Variants in TNN observed in about 807,000 individuals in gnomAD.
The protein encoded by TNN is tenascin-N.
A neutral mutation model predicts 134.4 loss-of-function variants in TNN; 122 were observed. The ratio of observed to expected loss-of-function variants is 0.91; its 90% confidence interval spans 0.78 to 1.06. The LOEUF is 1.06. Among genes scored for constraint, TNN ranks in the 50% least tolerant of loss-of-function variants. The probability of loss-of-function intolerance (pLI) is 0.00; values close to 1 mark genes in which losing one functional copy is unlikely to be tolerated. For synonymous variants in TNN, 710 were observed against 670.3 expected (o/e 1.06, Z -0.91); for missense variants, 1,739 against 1,699.4 (o/e 1.02, Z -0.41).
chr1:175,074,117 C>T (rs1673982224), intron 1 of TNN, among the ~76,000 whole-genome samples: 1 of 152,132 alleles, frequency 6.6e-6, no homozygotes, highest in African/African-American at 2.4e-5. Context: ...AGTCTCTTTG[C>T]CTGCCACCCC....
At position 175,110,899 on chromosome 1, in the gene TNN, G is replaced by A. The variant is rs564875497; in HGVS notation, c.2120-6040G>A. On this transcript the variant is annotated intron_variant, in intron 9 of 18. Transcript: ENST00000239462. ...TTTAGAATTTTTTTTTCTAGGCTGG[G>A]TGCAGTGGCTCATGCCTGTAATCCC... Among the ~76,000 whole-genome samples the A allele has an allele frequency of 5.1e-4, 78 of 152,280 alleles. 1 individual carries two copies. In the South Asian group the frequency reaches 0.016, roughly 31 times the overall value.
chr1:175,114,599 C>T (rs1040910861), intron 9 of TNN, among the ~76,000 whole-genome samples: 1 of 152,120 alleles, frequency 6.6e-6, no homozygotes, highest in African/African-American at 2.4e-5. Context: ...GCACTTGAGT[C>T]TTGGGATGCA....
intron 10 of TNN, 136 bp from the exon 11 acceptor site, chr1:175,118,425 C>A: frequency 1.8e-6 from 2 of 1,097,964 alleles, no homozygotes; most frequent in Non-Finnish European, 2.6e-6. Flanking sequence ...CATGAAACAG[C>A]TAAAAATGAA....
chr1:175,087,602 AC>A (rs1175325372), intron 6 of TNN, among the ~76,000 whole-genome samples: 16 of 152,214 alleles, frequency 1.1e-4, no homozygotes, highest in Admixed American at 1.3e-4. Flanking sequence ...TACACAGTCA[AC>A]ACAACACAGA....
intron 1 of TNN, among the ~76,000 whole-genome samples, chr1:175,074,887 G>T (rs184671587): frequency 6.6e-6 from 1 of 152,364 alleles, no homozygotes; most frequent in East Asian, 1.9e-4. Flanking sequence ...GCATAGGCTT[G>T]CAATCAGATG....
rs80294950 is a variant in TNN, at chr1:175,120,288, C to T, written c.2650+1464C>T. On this transcript the variant is annotated intron_variant, in intron 11 of 18. Transcript: ENST00000239462. ...ATAAATAAGAAAACACATTTAAAAC[C>T]GTAAATTATGCTAAATTCTGTGAAG... Among the ~76,000 whole-genome samples, 1,122 of 152,164 alleles carry T rather than the reference C, an allele frequency of 7.4e-3. 4 individuals are homozygous for T. The highest frequency in any genetic ancestry group is 9.3e-3 in the Non-Finnish European group (635 of 68,020).
At chr1:175,095,126 T>C (rs1163632363) in intron 7 of TNN, among the ~76,000 whole-genome samples, 1 of 152,224 alleles carries the variant, frequency 6.6e-6, no homozygotes, top group Non-Finnish European at 1.5e-5. Context: ...TTTTAGAATG[T>C]TAATCAGTAT....
Position 175,080,117 on chromosome 1 carries a change from G to T in TNN, c.785-46G>T. 4 of 1,602,350 alleles carry T rather than the reference G, an allele frequency of 2.5e-6. 1 individual carries two copies. The South Asian group carries it at 4.4e-5, about 18-fold the overall frequency. On this transcript the variant is annotated intron_variant, in intron 3 of 18. Transcript: ENST00000239462. The stretch of plus-strand genomic sequence containing the variant: ...AGGGAATACTCACTGGGTCTGGATC[G>T]CCTCCCTTGCTCACCCTCTCTGCCC...
rs1411592325 is a variant in TNN, at chr1:175,136,916, T to C, written c.3523T>C (p.Tyr1175His). Residue 1175 changes from tyrosine to histidine, a missense_variant, in exon 17 of 19, where the codon TAT (tyrosine) becomes CAT (histidine). By Grantham distance (83) the Tyr-to-His change is moderately conservative. Coordinates refer to ENST00000239462, the MANE Select transcript of TNN (RefSeq NM_022093.2). ...QTANESAYAI[Y>H]DFFQVASSKE... Reference sequence around the variant, plus strand: ...TGCCAATGAATCTGCCTATGCTATATATGATTTCTTCCAAGTGGCCTCCAG... The same window carrying C: ...TGCCAATGAATCTGCCTATGCTATACATGATTTCTTCCAAGTGGCCTCCAG... The C allele has an allele frequency of 6.2e-7, 1 of 1,614,200 alleles. No individual in the cohort carries two copies. Among genetic ancestry groups the C allele is most frequent in the South Asian group, 1.1e-5 (1 of 91,080 alleles).
rs983438166 is a variant in TNN, at chr1:175,083,778, G to A, written c.1077G>A (p.Val359=). The A allele has an allele frequency of 1.2e-6, 2 of 1,614,050 alleles. No homozygotes were observed. Among genetic ancestry groups the A allele is most frequent in the Non-Finnish European group, 1.7e-6 (2 of 1,180,032 alleles). The stretch of plus-strand genomic sequence containing the variant: ...TTGCTGTGCTTGGCACTGCCTGGGT[G>A]ACAGATGAGACTGAGAACTCCCTTG... ...TDLAVLGTAW[V]TDETENSLDV... is the part of the protein sequence containing the mutation. Residue 359 remains valine, a synonymous_variant, in exon 5 of 19, where the codon GTG becomes GTA. Coordinates refer to ENST00000239462, the MANE Select transcript of TNN (RefSeq NM_022093.2).
intron 11 of TNN, among the ~76,000 whole-genome samples, chr1:175,121,391 T>C (rs1379375508): frequency 6.6e-6 from 1 of 152,030 alleles, no homozygotes; most frequent in Non-Finnish European, 1.5e-5. Flanking sequence ...GCATAGAGGG[T>C]GGAAGAGCAA....
chr1:175,137,224 A>G (rs1485789485), intron 17 of TNN, among the ~76,000 whole-genome samples: 3 of 152,108 alleles, frequency 2.0e-5, no homozygotes, highest in Non-Finnish European at 4.4e-5. Flanking sequence ...CCCCACCCCA[A>G]TAAAAACCCT....
intron 8 of TNN, among the ~76,000 whole-genome samples, chr1:175,097,946 C>A (rs1264372629): frequency 6.6e-6 from 1 of 152,152 alleles, no homozygotes. Flanking sequence ...GGTACAGGAT[C>A]TGGTCATTGC....
intron 9 of TNN, among the ~76,000 whole-genome samples, chr1:175,114,938 G>C (rs1675123802): frequency 6.6e-6 from 1 of 152,052 alleles, no homozygotes; most frequent in Admixed American, 6.5e-5. Flanking sequence ...GCAGCAGCAA[G>C]CATCCCAAAA....
chr1:175,082,245 C>T (rs914693028), intron 4 of TNN, among the ~76,000 whole-genome samples: 7 of 152,196 alleles, frequency 4.6e-5, no homozygotes, highest in African/African-American at 1.7e-4. Context: ...TCTGAAAGTC[C>T]TAGCAACCCC....
chr1:175,117,603 A>G (rs1675219363), intron 10 of TNN, among the ~76,000 whole-genome samples: 1 of 152,210 alleles, frequency 6.6e-6, no homozygotes. Context: ...TAGCAAGGAG[A>G]TGTATATCAT....
In TNN at chr1:175,079,855, G is replaced by A. The variant is rs563058578; in HGVS notation, c.784+148G>A. ...CCAACCCCAGAGTTTCTGATTCTGCGATGGGGCCTAAGAATTTGCATTTCT... is the reference window on the plus strand; with the variant it reads ...CCAACCCCAGAGTTTCTGATTCTGCAATGGGGCCTAAGAATTTGCATTTCT... On this transcript the variant is annotated intron_variant, in intron 3 of 18. Transcript: ENST00000239462. 3.9e-5 allele frequency: 47 copies of A among 1,192,322 alleles called. No homozygotes were observed. In the African/African-American group the frequency reaches 5.5e-4, roughly 14 times the overall value. The allele number at this position is 1,192,322 out of a possible 1,614,324, so 73.9% of individuals were successfully genotyped here. A position where few individuals can be genotyped will look rare whatever the true frequency, so the allele number is the denominator to read the frequency against.
chr1:175,103,629 C>T (rs1371396343), intron 9 of TNN, among the ~76,000 whole-genome samples: 1 of 144,680 alleles, frequency 6.9e-6, no homozygotes, highest in Non-Finnish European at 1.5e-5. Flanking sequence ...TTGTCTTTTC[C>T]TTTCTTCTTA....
rs778158181 is a variant in TNN at position 175,128,066 on chromosome 1, C to T, written c.3080C>T (p.Ala1027Val). ...CTGGGACGGGAAGACCAGAGGTTTG[C>T]GTTGCAAGGCCTTGAGCAAGGCGCC... ...MQLGREDQRF[A>V]LQGLEQGATY... Residue 1027 changes from alanine to valine, a missense_variant, in exon 14 of 19, where the codon GCG becomes GTG. Transcript: ENST00000239462. 6.8e-6 allele frequency: 11 copies of T among 1,614,004 alleles called. No homozygotes were observed. Among genetic ancestry groups the T allele is most frequent in the Middle Eastern group, 1.6e-4 (1 of 6,082 alleles).
Sources: gnomAD v4.1 joint callset for allele counts (sites outside exome capture counted in the v4.1 genomes callset) on GRCh38, gnomAD v4.1.1 for gene constraint, MANE v1.5 for transcripts, NCBI Gene and HGNC (gene_info 2026-07-23, HGNC 2026-07-21) for gene names.